Variants in IGSF11 observed in about 807,000 individuals in gnomAD.
IGSF11 encodes the protein immunoglobulin superfamily member 11, also known as CXADR like 1.
IGSF11 carries 22 observed loss-of-function variants against 41.0 expected under a neutral mutation model. The observed-to-expected ratio is 0.54, with a 90% CI of 0.38 to 0.77. The LOEUF (loss-of-function observed/expected upper bound fraction) is 0.77. Ranked by LOEUF, IGSF11 falls within the 30% of genes least tolerant of loss-of-function variation. The pLI is 0.00. For synonymous variants in IGSF11, 219 were observed against 201.3 expected (o/e 1.09, Z -0.74); for missense variants, 444 against 530.8 (o/e 0.84, Z 1.61).
chr3:119,029,209 C>CACACACAT (rs1940132750), intron 1 of IGSF11, among the ~76,000 whole-genome samples: 1 of 141,818 alleles, frequency 7.1e-6, no homozygotes, highest in Admixed American at 7.2e-5. Flanking sequence ...CACACACACA[C>CACACACAT]GGTAGACATG....
chr3:119,121,387 T>A (rs188030806), intron 1 of IGSF11, among the ~76,000 whole-genome samples: 3 of 152,252 alleles, frequency 2.0e-5, no homozygotes, highest in East Asian at 3.9e-4. Flanking sequence ...AGGAACCAAA[T>A]GAAAATTCTG....
intron 1 of IGSF11, among the ~76,000 whole-genome samples, chr3:119,050,648 A>G (rs1368870626): frequency 6.6e-6 from 1 of 152,150 alleles, no homozygotes; most frequent in Non-Finnish European, 1.5e-5. Context: ...ATTACTGGGT[A>G]TATACCCAAA....
At chr3:119,054,336 A>G (rs1941737557) in intron 1 of IGSF11, among the ~76,000 whole-genome samples, 1 of 152,172 alleles carries the variant, frequency 6.6e-6, no homozygotes, top group African/African-American at 2.4e-5. Context: ...CAAATCAGCA[A>G]GAAAAAGACA....
intron 4 of IGSF11, among the ~76,000 whole-genome samples, chr3:118,922,545 G>A (rs192572554): frequency 1.3e-5 from 2 of 152,070 alleles, no homozygotes; most frequent in Admixed American, 1.3e-4. Context: ...CTGAATAACT[G>A]CAACTTTGTA....
At chr3:119,017,885 C>A (rs1053364101) in intron 1 of IGSF11, among the ~76,000 whole-genome samples, 1 of 146,872 alleles carries the variant, frequency 6.8e-6, no homozygotes, top group Non-Finnish European at 1.5e-5. Flanking sequence ...TGGGTTCAGG[C>A]GGTTCTCCTG....
rs148308441 is a variant in IGSF11, at chr3:118,962,853, TA to T, written c.53-32579del. 1.2e-3 allele frequency among the ~76,000 whole-genome samples: 176 copies of T among 151,644 alleles called. 2 individuals are homozygous for T. Among genetic ancestry groups the T allele is most frequent in the African/African-American group, 4.2e-3 (175 of 41,282 alleles). Reference sequence around the variant, plus strand: ...GAAAAGCACCTAGACAAGGGAGAAATAAGGAGGAAAACAGTAATTACAGGTA... The same window carrying T: ...GAAAAGCACCTAGACAAGGGAGAAATAGGAGGAAAACAGTAATTACAGGTA... On this transcript the variant is annotated intron_variant, in intron 1 of 6. Coordinates refer to ENST00000393775, the MANE Select transcript of IGSF11 (RefSeq NM_001015887.3).
At chr3:119,045,327 C>T (rs553175307) in intron 1 of IGSF11, among the ~76,000 whole-genome samples, 34 of 152,336 alleles carry the variant, frequency 2.2e-4, no homozygotes, top group Middle Eastern at 6.8e-3. Context: ...CATTGCCTCA[C>T]TTGGGAAGCG....
intron 1 of IGSF11, among the ~76,000 whole-genome samples, chr3:118,992,568 A>G (rs1458702921): frequency 2.0e-5 from 3 of 152,202 alleles, no homozygotes; most frequent in Admixed American, 2.0e-4. Flanking sequence ...CCAATCCCCA[A>G]GCACACACAC....
At chr3:119,028,712 A>AC (rs1940064536) in intron 1 of IGSF11, among the ~76,000 whole-genome samples, 1 of 151,930 alleles carries the variant, frequency 6.6e-6, no homozygotes, top group Non-Finnish European at 1.5e-5. Context: ...TGAAAAAAAA[A>AC]CTATGAAAAT....
At chr3:118,964,276 G>A (rs1324334696) in intron 1 of IGSF11, among the ~76,000 whole-genome samples, 1 of 152,132 alleles carries the variant, frequency 6.6e-6, no homozygotes, top group Non-Finnish European at 1.5e-5. Context: ...AAGAAATCAA[G>A]AAAGTTGGGT....
At chr3:119,031,073 G>A (rs747865489) in intron 1 of IGSF11, among the ~76,000 whole-genome samples, 9 of 152,034 alleles carry the variant, frequency 5.9e-5, no homozygotes, top group Non-Finnish European at 7.4e-5. Context: ...CCTGGCCAAC[G>A]TGGTGAAACC....
chr3:118,954,646 G>A (rs1944821387), intron 1 of IGSF11, among the ~76,000 whole-genome samples: 1 of 152,232 alleles, frequency 6.6e-6, no homozygotes, highest in South Asian at 2.1e-4. Flanking sequence ...CTCTATGGCA[G>A]TGACAAAATG....
At chr3:118,952,371 TTACC>T (rs1944639468) in intron 1 of IGSF11, among the ~76,000 whole-genome samples, 1 of 152,152 alleles carries the variant, frequency 6.6e-6, no homozygotes, top group Admixed American at 6.6e-5. Context: ...TTGATAGCAT[TTACC>T]TACAGCAGAA....
At chr3:119,044,589 A>G (rs1375182478) in intron 1 of IGSF11, among the ~76,000 whole-genome samples, 2 of 152,204 alleles carry the variant, frequency 1.3e-5, no homozygotes, top group African/African-American at 2.4e-5. Context: ...CAAAAAGATC[A>G]TCACCTAGGC....
At chr3:119,049,274 T>C (rs1353087693) in intron 1 of IGSF11, among the ~76,000 whole-genome samples, 8 of 151,268 alleles carry the variant, frequency 5.3e-5, no homozygotes, top group Non-Finnish European at 7.4e-5. Context: ...AAAATCTCCT[T>C]AAGCTCATAA....
At chr3:119,112,006 G>A (rs1016260284) in intron 1 of IGSF11, among the ~76,000 whole-genome samples, 5 of 152,214 alleles carry the variant, frequency 3.3e-5, no homozygotes, top group Non-Finnish European at 7.3e-5. Context: ...CCCCCACTGG[G>A]TGGTGCCTCC....
chr3:119,083,126 C>CTTTTTTTTTTTTTTTT (rs79620142), intron 1 of IGSF11, among the ~76,000 whole-genome samples: 6 of 129,122 alleles, frequency 4.6e-5, no homozygotes, highest in African/African-American at 9.2e-5. Context: ...TTTCTTTTTT[C>CTTTTTTTTTTTTTTTT]TTTTTTTTTT....
At chr3:118,935,344 ATATATACATG>A (rs937656807) in intron 1 of IGSF11, among the ~76,000 whole-genome samples, 44 of 142,422 alleles carry the variant, frequency 3.1e-4, no homozygotes, top group Non-Finnish European at 4.6e-5. Context: ...AGATATATAT[ATATATACATG>A]TATATACACC....
At chr3:118,957,832 A>G (rs186427822) in intron 1 of IGSF11, among the ~76,000 whole-genome samples, 2 of 152,348 alleles carry the variant, frequency 1.3e-5, no homozygotes, top group East Asian at 3.9e-4. Context: ...TGGTTTTGTT[A>G]CCAACTTGAC....
Sources: gnomAD v4.1 joint callset for allele counts (sites outside exome capture counted in the v4.1 genomes callset) on GRCh38, gnomAD v4.1.1 for gene constraint, MANE v1.5 for transcripts, NCBI Gene and HGNC (gene_info 2026-07-23, HGNC 2026-07-21) for gene names.